ARL15: variants seen among roughly 807,000 people sequenced by gnomAD.
ARL15 encodes ADP-ribosylation factor-like protein 15.
Under a neutral mutation model 25.2 loss-of-function variants are expected in ARL15, and 19 were observed. That is an observed-to-expected ratio of 0.75 (90% CI 0.53 to 1.10). The LOEUF is 1.10. ARL15 is among the 50% of genes least tolerant of loss of function. ARL15 has a pLI of 0.00. For synonymous variants in ARL15, 94 were observed against 86.8 expected, an observed-to-expected ratio of 1.08 and a Z score of -0.46; for missense variants, 220 against 246.0, an observed-to-expected ratio of 0.89 and a Z score of 0.71.
chr5:54,182,467 G>C (rs1210094736), intron 1 of ARL15, among the ~76,000 whole-genome samples: 1 of 151,310 alleles, frequency 6.6e-6, no homozygotes, highest in African/African-American at 2.4e-5. Flanking sequence ...GTAGGTATGC[G>C]GCGTTATTTC....
intron 1 of ARL15, among the ~76,000 whole-genome samples, chr5:54,227,686 G>A (rs1756565171): frequency 6.6e-6 from 1 of 152,234 alleles, no homozygotes; most frequent in Non-Finnish European, 1.5e-5. Flanking sequence ...AAGATAAGCA[G>A]CATCAGCAGG....
intron 4 of ARL15, among the ~76,000 whole-genome samples, chr5:53,939,654 G>A (rs1368272832): frequency 2.6e-5 from 4 of 151,900 alleles, no homozygotes; most frequent in African/African-American, 7.2e-5. Context: ...AGAATTGCTT[G>A]AACCCGGGAG....
At chr5:53,894,276 G>T (rs956273753) in intron 4 of ARL15, among the ~76,000 whole-genome samples, 1 of 152,122 alleles carries the variant, frequency 6.6e-6, no homozygotes, top group African/African-American at 2.4e-5. Flanking sequence ...CTTACTATAA[G>T]TCATCTTCCC....
At chr5:54,061,890 G>A (rs1445893142) in intron 4 of ARL15, among the ~76,000 whole-genome samples, 1 of 152,136 alleles carries the variant, frequency 6.6e-6, no homozygotes, top group Non-Finnish European at 1.5e-5. Flanking sequence ...ACCCGGATAA[G>A]CCACAGACAC....
intron 4 of ARL15, among the ~76,000 whole-genome samples, chr5:53,948,728 C>A (rs573772460): frequency 3.9e-5 from 6 of 152,310 alleles, no homozygotes; most frequent in African/African-American, 1.2e-4. Context: ...AGGGGTCATA[C>A]ACTTGCTAAA....
intron 4 of ARL15, among the ~76,000 whole-genome samples, chr5:53,898,658 C>T (rs142806583): frequency 0.014 from 2,089 of 151,826 alleles, 46 homozygotes; most frequent in African/African-American, 0.048. Flanking sequence ...CGCTGCCCCC[C>T]CTACCCCCGA....
chr5:54,116,378 T>G (rs1752899508), intron 3 of ARL15, among the ~76,000 whole-genome samples: 1 of 152,146 alleles, frequency 6.6e-6, no homozygotes, highest in African/African-American at 2.4e-5. Context: ...ACTATCCATA[T>G]GCTTGAGAAC....
In ARL15 at chr5:53,940,661, T is replaced by C. The variant is rs1458961236; in HGVS notation, c.463-53948A>G. ...TTTTCTATGCTTAAACAGAGAACAATTATGGATTTTTTAAGAAGGGAGAGA... is the reference window on the plus strand; with the variant it reads ...TTTTCTATGCTTAAACAGAGAACAACTATGGATTTTTTAAGAAGGGAGAGA... On this transcript the variant is annotated intron_variant, in intron 4 of 4. Transcript: ENST00000504924. Among the ~76,000 whole-genome samples, 3 of 152,172 alleles carry C rather than the reference T, an allele frequency of 2.0e-5. No homozygotes were observed. In the East Asian group the frequency reaches 5.8e-4, roughly 29 times the overall value.
At chr5:53,891,246 A>T (rs1275413131) in intron 4 of ARL15, among the ~76,000 whole-genome samples, 1 of 152,206 alleles carries the variant, frequency 6.6e-6, no homozygotes, top group South Asian at 2.1e-4. Flanking sequence ...GGGGAACAGA[A>T]CAGTCCAGAA....
chr5:54,188,519 T>C (rs1039385797), intron 1 of ARL15, among the ~76,000 whole-genome samples: 2 of 152,122 alleles, frequency 1.3e-5, no homozygotes, highest in African/African-American at 4.8e-5. Context: ...TAATATTGGA[T>C]ACCAAGGTCC....
intron 1 of ARL15, among the ~76,000 whole-genome samples, chr5:54,271,375 G>A (rs368059505): frequency 3.2e-4 from 48 of 152,194 alleles, no homozygotes; most frequent in African/African-American, 6.5e-4. Context: ...AAATGGTATC[G>A]TATTTGCATA....
intron 1 of ARL15, among the ~76,000 whole-genome samples, chr5:54,206,974 G>C (rs1260227144): frequency 6.6e-6 from 1 of 152,212 alleles, no homozygotes; most frequent in Non-Finnish European, 1.5e-5. Flanking sequence ...GGCTCGTCTA[G>C]TCCAATGAAC....
intron 4 of ARL15, among the ~76,000 whole-genome samples, chr5:54,057,575 A>G (rs578244732): frequency 6.6e-6 from 1 of 152,252 alleles, no homozygotes; most frequent in Admixed American, 6.5e-5. Context: ...TTGATGGGGC[A>G]TAAGTGGCTC....
chr5:54,301,626 TTA>T (rs1170875153), intron 1 of ARL15, among the ~76,000 whole-genome samples: 2 of 152,230 alleles, frequency 1.3e-5, no homozygotes, highest in African/African-American at 4.8e-5. Flanking sequence ...TCTGAAAGAA[TTA>T]TATTTCTGTT....
intron 1 of ARL15, among the ~76,000 whole-genome samples, chr5:54,239,953 C>A (rs944336936): frequency 2.0e-5 from 3 of 152,122 alleles, no homozygotes; most frequent in African/African-American, 7.2e-5. Context: ...ATCGGCCGGG[C>A]GCGGTGGCTC....
At chr5:53,949,330 A>G (rs1746867678) in intron 4 of ARL15, among the ~76,000 whole-genome samples, 1 of 152,236 alleles carries the variant, frequency 6.6e-6, no homozygotes, top group Admixed American at 6.5e-5. Context: ...GCCACTGTGT[A>G]ATTAAATATG....
intron 4 of ARL15, among the ~76,000 whole-genome samples, chr5:53,960,334 T>C (rs748036721): frequency 5.9e-5 from 9 of 152,202 alleles, no homozygotes; most frequent in Non-Finnish European, 1.0e-4. Flanking sequence ...AATCTATCCT[T>C]AACAGTGATT....
At chr5:54,059,309 T>C (rs1330097464) in intron 4 of ARL15, among the ~76,000 whole-genome samples, 1 of 152,238 alleles carries the variant, frequency 6.6e-6, no homozygotes, top group Non-Finnish European at 1.5e-5. Flanking sequence ...AGGGCCTCCG[T>C]TCCGACAGCA....
Position 54,028,455 on chromosome 5 carries a change from T to A in ARL15, c.462+84747A>T, listed in dbSNP as rs145178669. Among the ~76,000 whole-genome samples the A allele has an allele frequency of 1.3e-4, 20 of 152,018 alleles. No homozygotes were observed. The East Asian group carries it at 3.9e-3, about 29-fold the overall frequency. On this transcript the variant is annotated intron_variant, in intron 4 of 4. Transcript: ENST00000504924. ...CTTTTCCCATTCAAAATTCACCTCCTTAATTCACCATCAAGGGGGTGGACC... is the reference window on the plus strand; with the variant it reads ...CTTTTCCCATTCAAAATTCACCTCCATAATTCACCATCAAGGGGGTGGACC...
Sources: gnomAD v4.1 joint callset for allele counts (sites outside exome capture counted in the v4.1 genomes callset) on GRCh38, gnomAD v4.1.1 for gene constraint, MANE v1.5 for transcripts, NCBI Gene and HGNC (gene_info 2026-07-23, HGNC 2026-07-21) for gene names.